Variants in ATP2B2 observed in about 807,000 individuals in gnomAD.
ATP2B2 encodes the protein plasma membrane calcium-transporting ATPase 2.
Under a neutral mutation model 120.0 loss-of-function variants are expected in ATP2B2, and 15 were observed. The ratio of observed to expected loss-of-function variants is 0.12; its 90% CI spans 0.08 to 0.19. The LOEUF is 0.19. Among genes scored for constraint, ATP2B2 ranks in the 10% least tolerant of loss-of-function variants. ATP2B2 has a pLI of 1.00. For missense variants in ATP2B2, 1,045 were observed against 1,719.8 expected, an observed-to-expected ratio of 0.61 and a Z score of 6.94; for synonymous variants, 694 against 700.3, an observed-to-expected ratio of 0.99 and a Z score of 0.14.
chr3:10,528,746 C>T (rs181237951), intron 3 of ATP2B2, among the ~76,000 whole-genome samples: 19 of 152,342 alleles, frequency 1.2e-4, no homozygotes, highest in African/African-American at 4.1e-4. Flanking sequence ...ATGCTGCAAA[C>T]ATATTATTTA....
At chr3:10,399,298 A>G (rs537474676) in intron 5 of ATP2B2, among the ~76,000 whole-genome samples, 2 of 152,338 alleles carry the variant, frequency 1.3e-5, no homozygotes, top group African/African-American at 4.8e-5. Flanking sequence ...CATTTGGGGC[A>G]TTCCACGGTC....
chr3:10,340,370 GAGAA>G lies in ATP2B2; in HGVS notation c.3130-25_3130-22del, dbSNP rs774264686. 4.3e-6 allele frequency: 7 copies of G among 1,613,380 alleles called. No homozygotes were observed. The highest frequency in any genetic ancestry group is 4.0e-5 in the African/African-American group (3 of 75,054). ...ACTATCTGGAGGTCACAGGGGAGCA[GAGAA>G]AGAGAGAGAGAGAGGCCATCAGGGA... On this transcript the variant is annotated intron_variant, in intron 20 of 22. Coordinates refer to ENST00000360273, the MANE Select transcript of ATP2B2 (RefSeq NM_001001331.4). This position sits in a 1 kb window ranked among gnomAD's most constrained non-coding sequence, Gnocchi z 5.0.
intron 1 of ATP2B2, among the ~76,000 whole-genome samples, chr3:10,462,475 CCA>C (rs1297855490): frequency 6.6e-6 from 1 of 152,226 alleles, no homozygotes; most frequent in Non-Finnish European, 1.5e-5. Flanking sequence ...CCTTCAGTGA[CCA>C]CAGAGTGAAG....
intron 1 of ATP2B2, among the ~76,000 whole-genome samples, chr3:10,496,108 G>A (rs2066136066): frequency 6.6e-6 from 1 of 152,200 alleles, no homozygotes; most frequent in Admixed American, 6.5e-5. Flanking sequence ...GGGGAGAAGG[G>A]CTTCATTTTA....
chr3:10,404,507 A>G (rs1345794067), intron 3 of ATP2B2, among the ~76,000 whole-genome samples: 2 of 152,214 alleles, frequency 1.3e-5, no homozygotes, highest in African/African-American at 4.8e-5. Flanking sequence ...GAGGATTAAG[A>G]GAGAGCCTTC....
intron 1 of ATP2B2, among the ~76,000 whole-genome samples, chr3:10,688,696 G>A (rs943968733): frequency 2.6e-5 from 4 of 152,136 alleles, no homozygotes; most frequent in Non-Finnish European, 4.4e-5. Flanking sequence ...TATGGCCAGC[G>A]GATGCAGCCA....
chr3:10,337,934 C>T (rs1310272269), intron 22 of ATP2B2, among the ~76,000 whole-genome samples: 1 of 152,212 alleles, frequency 6.6e-6, no homozygotes, highest in Non-Finnish European at 1.5e-5. Context: ...GGTGTGACCC[C>T]TACCACTTCC....
intron 2 of ATP2B2, among the ~76,000 whole-genome samples, chr3:10,555,680 C>A (rs2067763015): frequency 6.6e-6 from 1 of 152,220 alleles, no homozygotes; most frequent in Non-Finnish European, 1.5e-5. Context: ...GGAGGAATAG[C>A]AGCACCTCCA....
rs767551489 is a variant in ATP2B2 at position 10,388,373 on chromosome 3, T to G, written c.811A>C (p.Met271Leu). The G allele has an allele frequency of 1.9e-6, 3 of 1,614,066 alleles. No individual in the cohort carries two copies. In the South Asian group the frequency reaches 3.3e-5, roughly 18 times the overall value. The change falls in exon 6 of 23, where the codon ATG becomes CTG. Residue 271 changes from methionine (M) to leucine (L), a missense_variant. This residue lies in a region of ATP2B2 where 145 missense variants were observed against 202.0 expected (regional missense o/e 0.72). Coordinates refer to ENST00000360273, the MANE Select transcript of ATP2B2 (RefSeq NM_001001331.4). Reference sequence around the variant, plus strand: ...TTCACACCCACAGCAGTCACCAACATCCGTCCTGAGCCCTCCATCACGTGG... The same window carrying G: ...TTCACACCCACAGCAGTCACCAACAGCCGTCCTGAGCCCTCCATCACGTGG... ...GTHVMEGSGR[M>L]LVTAVGVNSQ...
At chr3:10,578,444 G>A (rs2068305221) in intron 2 of ATP2B2, among the ~76,000 whole-genome samples, 1 of 152,028 alleles carries the variant, frequency 6.6e-6, no homozygotes, top group East Asian at 1.9e-4. Context: ...CTACTCGGGA[G>A]GTTGAGGCAG....
Position 10,375,250 on chromosome 3 carries a change from C to T in ATP2B2, c.1416+180G>A, listed in dbSNP as rs964844957. Reference sequence around the variant, plus strand: ...ATGGCTCTCTGGTTTGCTACAGGCCCCTGGACTCTATGAAAGCGTCAGAGT... The same window carrying T: ...ATGGCTCTCTGGTTTGCTACAGGCCTCTGGACTCTATGAAAGCGTCAGAGT... On this transcript the variant is annotated intron_variant, in intron 11 of 22. Coordinates refer to ENST00000360273, the MANE Select transcript of ATP2B2 (RefSeq NM_001001331.4). This position sits in a 1 kb window ranked among gnomAD's most constrained non-coding sequence, Gnocchi z 4.2. Among the ~76,000 whole-genome samples, 1 of 152,108 alleles carries T rather than the reference C, an allele frequency of 6.6e-6. No individual in the cohort carries two copies. The highest frequency in any genetic ancestry group is 2.4e-5 in the African/African-American group (1 of 41,404).
At chr3:10,521,684 C>G (rs990765440) in intron 3 of ATP2B2, among the ~76,000 whole-genome samples, 5 of 152,198 alleles carry the variant, frequency 3.3e-5, no homozygotes, top group African/African-American at 1.2e-4. Context: ...ATTGTGATAT[C>G]TGAGATGTAG....
At chr3:10,519,226 A>G (rs2066934564) in intron 3 of ATP2B2, among the ~76,000 whole-genome samples, 1 of 152,170 alleles carries the variant, frequency 6.6e-6, no homozygotes, top group Non-Finnish European at 1.5e-5. Flanking sequence ...TGACACACAG[A>G]GTGGTCCTCA....
At chr3:10,434,443 G>C (rs1481298542) in intron 2 of ATP2B2, among the ~76,000 whole-genome samples, 1 of 152,248 alleles carries the variant, frequency 6.6e-6, no homozygotes, top group Non-Finnish European at 1.5e-5. Flanking sequence ...GTTTTCAGCA[G>C]GTGGTGGCAC....
In ATP2B2 at chr3:10,325,678, G is replaced by A. The variant is rs1308874650; in HGVS notation, c.*3136C>T. 6.6e-6 allele frequency: 1 copy of A among 152,230 alleles called. No individual in the cohort carries two copies. The highest frequency in any genetic ancestry group is 1.5e-5 in the Non-Finnish European group (1 of 68,048). 9.4% of individuals were successfully genotyped at this position (152,230 alleles called of 1,614,324 possible). ...GGCGGGAGCAATGGAGGCTGCTCCTGAGTTAAAGAAAGCTCCGCCTGAGTT... is the reference window on the plus strand; with the variant it reads ...GGCGGGAGCAATGGAGGCTGCTCCTAAGTTAAAGAAAGCTCCGCCTGAGTT... On this transcript the variant is annotated 3_prime_UTR_variant, in exon 23 of 23. Transcript: ENST00000360273.
intron 2 of ATP2B2, among the ~76,000 whole-genome samples, chr3:10,557,579 T>G (rs2067808760): frequency 6.6e-6 from 1 of 152,074 alleles, no homozygotes; most frequent in Admixed American, 6.5e-5. Flanking sequence ...GCTGGCCTCT[T>G]GGGAACAGAG....
intron 2 of ATP2B2, among the ~76,000 whole-genome samples, chr3:10,603,556 A>G (rs1200778753): frequency 6.6e-6 from 1 of 152,230 alleles, no homozygotes; most frequent in Non-Finnish European, 1.5e-5. Context: ...TGTCAAGTGC[A>G]GGTAAGAGCC....
intron 2 of ATP2B2, among the ~76,000 whole-genome samples, chr3:10,595,815 A>T (rs963041353): frequency 3.3e-5 from 5 of 152,192 alleles, no homozygotes; most frequent in Non-Finnish European, 7.3e-5. Flanking sequence ...ATGGAATAAA[A>T]TCCAAACTCC....
intron 2 of ATP2B2, among the ~76,000 whole-genome samples, chr3:10,572,593 A>G (rs2125546788): frequency 6.6e-6 from 1 of 152,366 alleles, no homozygotes; most frequent in East Asian, 1.9e-4. Context: ...AGCAATTATT[A>G]GGAGCAGGAG....
Sources: gnomAD v4.1 joint callset for allele counts (sites outside exome capture counted in the v4.1 genomes callset) on GRCh38, gnomAD v4.1.1 for gene constraint, gnomAD v4.1.1 regional missense constraint, Gnocchi (gnomAD v3.1) non-coding constraint, MANE v1.5 for transcripts, NCBI Gene and HGNC (gene_info 2026-07-23, HGNC 2026-07-21) for gene names.